FRAS1: variants seen among roughly 807,000 people sequenced by gnomAD.
FRAS1 encodes extracellular matrix organizing protein FRAS1.
A neutral mutation model predicts 435.2 loss-of-function variants in FRAS1; 290 were observed. That is an observed-to-expected ratio of 0.67 (90% CI 0.61 to 0.73). FRAS1 has a LOEUF of 0.73. Among genes scored for constraint, FRAS1 ranks in the 30% least tolerant of loss-of-function variants. The pLI, the probability that FRAS1 is intolerant of heterozygous loss-of-function variation, is 0.00. For missense variants in FRAS1, 4,860 were observed against 5,001.5 expected (o/e 0.97, Z 0.85); for synonymous variants, 1,800 against 1,851.0 (o/e 0.97, Z 0.71).
intron 30 of FRAS1, among the ~76,000 whole-genome samples, chr4:78,404,221 T>C (rs1430161815): frequency 6.6e-6 from 1 of 152,194 alleles, no homozygotes; most frequent in African/African-American, 2.4e-5. Flanking sequence ...TCATGGAGAT[T>C]CAAATGATAT....
rs1042949019 is a variant in FRAS1 at position 78,542,368 on chromosome 4, A to G, written c.*1244A>G. On this transcript the variant is annotated 3_prime_UTR_variant, in exon 74 of 74. Transcript: ENST00000512123. The stretch of plus-strand genomic sequence containing the variant: ...TCAGCTTAACTATTTTGTGTAGGCT[A>G]CACACAGCTTGCTTTTGTTTCTCTT... The G allele has an allele frequency of 2.0e-5, 3 of 152,318 alleles. No homozygotes were observed. The highest frequency in any genetic ancestry group is 7.2e-5 in the African/African-American group (3 of 41,480). The allele number at this position is 152,318 out of a possible 1,614,324, so 9.4% of individuals were successfully genotyped here.
Position 78,499,938 on chromosome 4 carries a change from C to A in FRAS1, c.9316+17C>A, listed in dbSNP as rs1348597060. ...TCAGTCCCGGTAATTGAATGCCAAC[C>A]TCAATCTGTGGGTTTTACTTAATAG... is the stretch of plus-strand genomic sequence containing the variant. On this transcript the variant is annotated intron_variant, in intron 61 of 73. Transcript: ENST00000512123. 1.3e-6 allele frequency: 2 copies of A among 1,504,672 alleles called. No homozygotes were observed. Among genetic ancestry groups the A allele is most frequent in the Non-Finnish European group, 1.8e-6 (2 of 1,115,524 alleles). The allele number at this position is 1,504,672 out of a possible 1,614,324, so 93.2% of individuals were successfully genotyped here. A position where few individuals can be genotyped will look rare whatever the true frequency, so the allele number is the denominator to read the frequency against.
At chr4:78,180,473 A>C (rs111285696) in intron 2 of FRAS1, among the ~76,000 whole-genome samples, 1 of 152,180 alleles carries the variant, frequency 6.6e-6, no homozygotes, top group East Asian at 1.9e-4. Context: ...CCAGTTTGTA[A>C]TTGGGGGAAC....
intron 9 of FRAS1, among the ~76,000 whole-genome samples, chr4:78,271,318 AT>A (rs1176640059): frequency 1.3e-5 from 2 of 151,650 alleles, no homozygotes; most frequent in Admixed American, 6.6e-5. Context: ...TTCTCCATTA[AT>A]TTTTTTTATT....
chr4:78,134,923 C>A (rs1273922287), intron 2 of FRAS1, among the ~76,000 whole-genome samples: 2 of 152,148 alleles, frequency 1.3e-5, no homozygotes, highest in Non-Finnish European at 2.9e-5. Context: ...CCTGACTAAG[C>A]TCAGAAGTCT....
At chr4:78,523,448 C>T (rs13118549) in intron 69 of FRAS1, among the ~76,000 whole-genome samples, 45,430 of 151,826 alleles carry the variant, frequency 0.3, 7,570 homozygotes, top group Admixed American at 0.39. Flanking sequence ...AGGAATTTAA[C>T]AACTATAGTA....
chr4:78,304,596 G>A (rs1216989537), intron 14 of FRAS1, among the ~76,000 whole-genome samples: 1 of 151,872 alleles, frequency 6.6e-6, no homozygotes, highest in East Asian at 1.9e-4. Context: ...AGTCTTGGGA[G>A]AGTGTATGTG....
chr4:78,228,559 T>C (rs1204193351), intron 2 of FRAS1, among the ~76,000 whole-genome samples: 1 of 152,230 alleles, frequency 6.6e-6, no homozygotes, highest in Non-Finnish European at 1.5e-5. Flanking sequence ...TTTGAAGATA[T>C]CCTATTTTGT....
intron 2 of FRAS1, among the ~76,000 whole-genome samples, chr4:78,126,979 T>C (rs1719395835): frequency 6.6e-6 from 1 of 152,206 alleles, no homozygotes; most frequent in African/African-American, 2.4e-5. Flanking sequence ...ATTTAGAAAA[T>C]ATTTATTAAG....
intron 2 of FRAS1, among the ~76,000 whole-genome samples, chr4:78,178,444 G>A (rs373724094): frequency 1.3e-5 from 2 of 152,186 alleles, no homozygotes; most frequent in East Asian, 3.8e-4. Flanking sequence ...TCACATATAA[G>A]AAGAAGCTAC....
chr4:78,539,228 CT>C, intron 72 of FRAS1, 65 bp from the exon 73 acceptor site: 1 of 1,511,692 alleles, frequency 6.6e-7, no homozygotes, highest in Admixed American at 1.9e-5. Flanking sequence ...CTCCCAGTCA[CT>C]GCCACCTACC....
At chr4:78,271,805 T>C (rs1726710078) in intron 9 of FRAS1, among the ~76,000 whole-genome samples, 1 of 152,226 alleles carries the variant, frequency 6.6e-6, no homozygotes, top group South Asian at 2.1e-4. Flanking sequence ...AGCAGCATGA[T>C]TTATAATCCT....
At chr4:78,448,029 G>C in intron 43 of FRAS1, 24 bp from the exon 44 acceptor site, 1 of 1,558,234 alleles carries the variant, frequency 6.4e-7, no homozygotes, top group East Asian at 2.3e-5. Flanking sequence ...CCATTGTTTT[G>C]CTTTTCTTTA....
At chr4:78,371,083 G>GGTTTTTTTTT (rs1456015210) in intron 23 of FRAS1, among the ~76,000 whole-genome samples, 8 of 127,438 alleles carry the variant, frequency 6.3e-5, no homozygotes, top group African/African-American at 9.5e-5. Flanking sequence ...TTTTTTTTCT[G>GGTTTTTTTTT]TTTTTTTGTT....
intron 28 of FRAS1, among the ~76,000 whole-genome samples, 194 bp from the exon 29 acceptor site, chr4:78,387,181 T>A (rs1405985157): frequency 6.6e-6 from 1 of 152,220 alleles, no homozygotes; most frequent in Non-Finnish European, 1.5e-5. Flanking sequence ...CCCAGAGGTG[T>A]GAAGTAACCT....
At chr4:78,321,571 C>T (rs1256557536) in intron 18 of FRAS1, among the ~76,000 whole-genome samples, 3 of 152,126 alleles carry the variant, frequency 2.0e-5, no homozygotes, top group Admixed American at 6.5e-5. Context: ...TGACTGGGTT[C>T]GGTGGCTCAC....
intron 2 of FRAS1, among the ~76,000 whole-genome samples, chr4:78,097,878 AGAG>A (rs1741892920): frequency 6.6e-6 from 1 of 152,224 alleles, no homozygotes; most frequent in Admixed American, 6.5e-5. Flanking sequence ...CCTTATAAGA[AGAG>A]GAGATTAAGA....
chr4:78,064,139 T>C (rs1033687545), intron 1 of FRAS1, among the ~76,000 whole-genome samples: 1 of 151,412 alleles, frequency 6.6e-6, no homozygotes, highest in Non-Finnish European at 1.5e-5. Flanking sequence ...AAGTAGTCAA[T>C]TAAGAAGAAT....
At chr4:78,320,665 C>T (rs1729468670) in intron 18 of FRAS1, among the ~76,000 whole-genome samples, 1 of 146,362 alleles carries the variant, frequency 6.8e-6, no homozygotes, top group African/African-American at 2.4e-5. Flanking sequence ...CCTTCTGTCT[C>T]TCTCTCTCTC....
Sources: allele counts gnomAD v4.1 joint callset (sites outside exome capture counted in the v4.1 genomes callset), GRCh38; gene constraint gnomAD v4.1.1; transcripts MANE v1.5; gene names NCBI Gene and HGNC (gene_info 2026-07-23, HGNC 2026-07-21).